The following PTPRJ variants were observed in gnomAD, a reference collection of about 807,000 sequenced individuals.
PTPRJ encodes receptor-type tyrosine-protein phosphatase eta.
A neutral mutation model predicts 141.3 loss-of-function variants in PTPRJ; 129 were observed. The ratio of observed to expected loss-of-function variants is 0.91; its 90% CI spans 0.79 to 1.06. The LOEUF (loss-of-function observed/expected upper bound fraction) is 1.06, where lower values mean the gene tolerates loss of function less well. Among genes scored for constraint, PTPRJ ranks in the 50% least tolerant of loss-of-function variants. The pLI, the probability that PTPRJ is intolerant of heterozygous loss-of-function variation, is 0.00. For synonymous variants in PTPRJ, 610 were observed against 640.5 expected (o/e 0.95, Z 0.72); for missense variants, 1,601 against 1,679.7 (o/e 0.95, Z 0.82).
chr11:48,139,407 G>C, intron 10 of PTPRJ, 79 bp from the exon 11 acceptor site: 1 of 1,484,188 alleles, frequency 6.7e-7, no homozygotes, highest in Non-Finnish European at 9.2e-7. Flanking sequence ...CTCATCCCCA[G>C]GATTCTGCTA....
intron 5 of PTPRJ, among the ~76,000 whole-genome samples, 184 bp downstream of exon 5, chr11:48,124,054 C>T (rs1439468640): frequency 6.6e-6 from 1 of 152,186 alleles, no homozygotes; most frequent in Non-Finnish European, 1.5e-5. Flanking sequence ...TCTGATTTTA[C>T]AGGGGAACAC....
At chr11:48,109,720 C>G (rs1856390621) in intron 1 of PTPRJ, among the ~76,000 whole-genome samples, 2 of 146,256 alleles carry the variant, frequency 1.4e-5, no homozygotes, top group African/African-American at 5.0e-5. Flanking sequence ...TGCTTCAGCT[C>G]ATCGCACAGT....
At chr11:48,131,068 ATATTTT>A (rs1362905871) in intron 8 of PTPRJ, among the ~76,000 whole-genome samples, 4 of 103,148 alleles carry the variant, frequency 3.9e-5, no homozygotes, top group South Asian at 3.2e-4. Flanking sequence ...ATATATATAT[ATATTTT>A]TTTTTTTTTT....
intron 1 of PTPRJ, among the ~76,000 whole-genome samples, chr11:48,039,149 CAAAA>C (rs779545929): frequency 3.4e-5 from 3 of 89,228 alleles, no homozygotes; most frequent in Admixed American, 1.3e-4. Context: ...GAGTCTGTCT[CAAAA>C]AAAAAAAAAA....
At position 48,098,619 on chromosome 11, in the gene PTPRJ, C is replaced by G. The variant is rs1319482393; in HGVS notation, c.97-11439C>G. Among the ~76,000 whole-genome samples, 2 of 21,440 alleles carry G rather than the reference C, an allele frequency of 9.3e-5. 1 individual carries two copies. Among genetic ancestry groups the G allele is most frequent in the Non-Finnish European group, 3.4e-4 (2 of 5,824 alleles). The allele number at this position is 21,440 out of a possible 152,430, so 14.1% of individuals were successfully genotyped here. A position where few individuals can be genotyped will look rare whatever the true frequency, so the allele number is the denominator to read the frequency against. Reference sequence around the variant, plus strand: ...CACTGCAAGCTCCGCCTCCCGGGTTCACGCCATTCTCCTGCCTCAGCCTCC... The same window carrying G: ...CACTGCAAGCTCCGCCTCCCGGGTTGACGCCATTCTCCTGCCTCAGCCTCC... On this transcript the variant is annotated intron_variant, in intron 1 of 24. Coordinates refer to ENST00000418331, the MANE Select transcript of PTPRJ (RefSeq NM_002843.4).
At chr11:48,124,081 G>T (rs1468727689) in intron 5 of PTPRJ, among the ~76,000 whole-genome samples, 1 of 152,210 alleles carries the variant, frequency 6.6e-6, no homozygotes, top group African/African-American at 2.4e-5. Flanking sequence ...GCTGAGAACA[G>T]CAATAGGAAT....
chr11:48,028,731 C>T (rs757429297), intron 1 of PTPRJ, among the ~76,000 whole-genome samples: 1 of 152,170 alleles, frequency 6.6e-6, no homozygotes, highest in Non-Finnish European at 1.5e-5. Flanking sequence ...GCAGAGGTTG[C>T]AGTAAGCAGA....
intron 1 of PTPRJ, among the ~76,000 whole-genome samples, chr11:48,057,394 A>G (rs1174321611): frequency 1.3e-5 from 2 of 152,192 alleles, no homozygotes; most frequent in African/African-American, 4.8e-5. Flanking sequence ...GCACAGTGTA[A>G]AGAAGGTGGA....
intron 22 of PTPRJ, 30 bp downstream of exon 22, chr11:48,160,079 C>T: frequency 1.2e-6 from 2 of 1,608,604 alleles, no homozygotes; most frequent in Non-Finnish European, 1.7e-6. Flanking sequence ...CAGTTGAGCT[C>T]ATGTAATTAC....
chr11:48,147,119 T>G (rs572760363), intron 15 of PTPRJ, among the ~76,000 whole-genome samples, 156 bp downstream of exon 15: 2 of 152,338 alleles, frequency 1.3e-5, no homozygotes, highest in East Asian at 3.9e-4. Flanking sequence ...CTATTTCCTC[T>G]GCGCCCCCAG....
intron 1 of PTPRJ, among the ~76,000 whole-genome samples, chr11:48,067,305 G>C (rs552531863): frequency 1.8e-4 from 27 of 152,298 alleles, no homozygotes; most frequent in Non-Finnish European, 2.6e-4. Flanking sequence ...GCGGACAATG[G>C]GGGGAAGGAA....
At chr11:48,130,822 GA>G (rs1856959586) in intron 8 of PTPRJ, 106 bp downstream of exon 8, 3 of 1,260,662 alleles carry the variant, frequency 2.4e-6, no homozygotes, top group Admixed American at 3.3e-5. Context: ...AATTATCTAA[GA>G]AAAAACTTTA....
At chr11:48,062,250 A>G (rs1337458399) in intron 1 of PTPRJ, among the ~76,000 whole-genome samples, 1 of 149,958 alleles carries the variant, frequency 6.7e-6, no homozygotes, top group Non-Finnish European at 1.5e-5. Context: ...GCGGTGGCTC[A>G]TGCCTGTAAT....
Position 47,980,739 on chromosome 11 carries a change from G to A in PTPRJ, c.-174G>A. ...CCGGCGTGTGGCCGCGGCCGCCGCC[G>A]CCGCTGCCATGTCTCCGGGGAAGCC... On this transcript the variant is annotated 5_prime_UTR_variant, in exon 1 of 25. Transcript: ENST00000418331. The A allele has an allele frequency of 9.9e-7, 1 of 1,009,956 alleles. No individual in the cohort carries two copies. The highest frequency in any genetic ancestry group is 1.2e-6 in the Non-Finnish European group (1 of 847,998). 62.6% of individuals were successfully genotyped at this position (1,009,956 alleles called of 1,614,324 possible). A position where few individuals can be genotyped will look rare whatever the true frequency, so the allele number is the denominator to read the frequency against.
intron 1 of PTPRJ, among the ~76,000 whole-genome samples, chr11:48,000,318 T>C (rs1854460994): frequency 1.3e-5 from 2 of 151,314 alleles, no homozygotes; most frequent in African/African-American, 4.9e-5. Context: ...TTTTAAAATT[T>C]TTTTTTTGTA....
chr11:48,057,219 G>A (rs767203891), intron 1 of PTPRJ, among the ~76,000 whole-genome samples: 6 of 152,188 alleles, frequency 3.9e-5, no homozygotes, highest in Non-Finnish European at 7.3e-5. Context: ...AGGTGCTTAG[G>A]CATCATTTGC....
At chr11:48,072,646 A>C (rs941760065) in intron 1 of PTPRJ, among the ~76,000 whole-genome samples, 3 of 152,192 alleles carry the variant, frequency 2.0e-5, no homozygotes, top group African/African-American at 7.2e-5. Flanking sequence ...GAGATTCAGG[A>C]GTGTTCACAT....
chr11:48,136,301 G>A lies in PTPRJ; in HGVS notation c.1873+5G>A. On this transcript the variant is annotated splice_donor_5th_base_variant and intron_variant, in intron 9 of 24. Transcript: ENST00000418331. ...ACTCCACTGCACAGTACACACGTAA[G>A]TCTCTTAGGATGCCCTTCTAAGGAA... The A allele has an allele frequency of 6.2e-7, 1 of 1,612,996 alleles. No homozygotes were observed. The highest frequency in any genetic ancestry group is 8.5e-7 in the Non-Finnish European group (1 of 1,179,286).
At chr11:48,091,945 T>C (rs1186160853) in intron 1 of PTPRJ, among the ~76,000 whole-genome samples, 3 of 152,156 alleles carry the variant, frequency 2.0e-5, no homozygotes, top group African/African-American at 7.2e-5. Flanking sequence ...GCTGGTAGGT[T>C]ACATGCTTTG....
Sources: gnomAD v4.1 joint callset for allele counts (sites outside exome capture counted in the v4.1 genomes callset) on GRCh38, gnomAD v4.1.1 for gene constraint, MANE v1.5 for transcripts, NCBI Gene and HGNC (gene_info 2026-07-23, HGNC 2026-07-21) for gene names.